TCF7L1: variants seen among roughly 807,000 people sequenced by gnomAD.
TCF7L1 encodes transcription factor 7 like 1.
TCF7L1 carries 18 observed loss-of-function variants against 63.7 expected under a neutral mutation model. That is an observed-to-expected ratio of 0.28 (90% CI 0.20 to 0.42). The LOEUF (loss-of-function observed/expected upper bound fraction) is 0.42. Ranked by LOEUF, TCF7L1 falls within the 10% of genes least tolerant of loss-of-function variation. The pLI is 1.00. For missense variants in TCF7L1, 654 were observed against 779.3 expected (o/e 0.84, Z 1.91); for synonymous variants, 355 against 340.9 (o/e 1.04, Z -0.46).
At chr2:85,244,161 G>A (rs992492335) in intron 3 of TCF7L1, among the ~76,000 whole-genome samples, 2 of 152,194 alleles carry the variant, frequency 1.3e-5, no homozygotes, top group African/African-American at 4.8e-5. Context: ...AGTGGCTGGA[G>A]CAGAGTGGGC....
chr2:85,198,603 T>C (rs1373230402), intron 3 of TCF7L1, among the ~76,000 whole-genome samples: 1 of 152,344 alleles, frequency 6.6e-6, no homozygotes, highest in African/African-American at 2.4e-5. Flanking sequence ...GGGAGCCTAA[T>C]GCAGACCCAA....
intron 3 of TCF7L1, among the ~76,000 whole-genome samples, chr2:85,240,008 T>G (rs886099358): frequency 6.7e-6 from 1 of 149,086 alleles, no homozygotes; most frequent in Admixed American, 6.7e-5. Flanking sequence ...TTAATTTTAA[T>G]AGTATATCTT....
chr2:85,215,997 A>G (rs1679694460), intron 3 of TCF7L1, among the ~76,000 whole-genome samples: 2 of 151,946 alleles, frequency 1.3e-5, no homozygotes, highest in South Asian at 4.2e-4. Context: ...CTCTGAAGAG[A>G]ATGAAATGTT....
chr2:85,184,617 C>T (rs980036695), intron 3 of TCF7L1, among the ~76,000 whole-genome samples: 3 of 152,102 alleles, frequency 2.0e-5, no homozygotes, highest in African/African-American at 7.2e-5. Context: ...CTGGAGAGCT[C>T]CGCAGAAGAT....
chr2:85,231,219 G>C (rs1480600708), intron 3 of TCF7L1, among the ~76,000 whole-genome samples: 1 of 152,186 alleles, frequency 6.6e-6, no homozygotes, highest in East Asian at 1.9e-4. Context: ...ACCTGACTCA[G>C]CTGCCCAAGC....
At chr2:85,276,793 G>A (rs949254435) in intron 3 of TCF7L1, among the ~76,000 whole-genome samples, 2 of 152,162 alleles carry the variant, frequency 1.3e-5, no homozygotes, top group Non-Finnish European at 1.5e-5. Flanking sequence ...CATGACCCTT[G>A]AGGAGCTTAC....
intron 3 of TCF7L1, among the ~76,000 whole-genome samples, chr2:85,242,882 G>A (rs780920159): frequency 2.0e-5 from 3 of 152,134 alleles, no homozygotes; most frequent in Non-Finnish European, 4.4e-5. Flanking sequence ...ACACTGTACT[G>A]TTTTAAAAAC....
chr2:85,157,789 G>A (rs1678183169), intron 3 of TCF7L1, among the ~76,000 whole-genome samples: 2 of 152,234 alleles, frequency 1.3e-5, no homozygotes, highest in South Asian at 4.1e-4. Flanking sequence ...CAATCTACCT[G>A]CAAGGACCAG....
chr2:85,305,018 G>C (rs1682074764), intron 7 of TCF7L1, among the ~76,000 whole-genome samples: 1 of 152,116 alleles, frequency 6.6e-6, no homozygotes, highest in African/African-American at 2.4e-5. Context: ...CCTTTTGTGT[G>C]TTTCATCCCA....
At chr2:85,251,748 C>G (rs185310570) in intron 3 of TCF7L1, among the ~76,000 whole-genome samples, 1 of 152,322 alleles carries the variant, frequency 6.6e-6, no homozygotes, top group Admixed American at 6.5e-5. Context: ...AACTAGCTGA[C>G]AGTTTCCCAT....
At chr2:85,242,239 T>C in intron 3 of TCF7L1, among the ~76,000 whole-genome samples, 1 of 143,524 alleles carries the variant, frequency 7.0e-6, no homozygotes, top group East Asian at 2.0e-4. Flanking sequence ...GGTTGCTGGC[T>C]TCCCTGGGTC....
rs139304161 is a variant in TCF7L1, at chr2:85,176,476, C to T, written c.441+42026C>T. 6.7e-3 allele frequency among the ~76,000 whole-genome samples: 1,020 copies of T among 152,324 alleles called. 12 individuals carry two copies. The highest frequency in any genetic ancestry group is 0.023 in the African/African-American group (959 of 41,572). On this transcript the variant is annotated intron_variant, in intron 3 of 11. Transcript: ENST00000282111. Reference sequence around the variant, plus strand: ...TTATATTTAGCTGTTGTTTTCTCCTCCATTCCACTGTCTGGAGTCCCCATG... The same window carrying T: ...TTATATTTAGCTGTTGTTTTCTCCTTCATTCCACTGTCTGGAGTCCCCATG...
At chr2:85,260,547 G>T (rs1487271377) in intron 3 of TCF7L1, among the ~76,000 whole-genome samples, 1 of 151,786 alleles carries the variant, frequency 6.6e-6, no homozygotes, top group African/African-American at 2.4e-5. Flanking sequence ...GGGGACTGAG[G>T]TAGGAGGATT....
Position 85,145,844 on chromosome 2 carries a change from TTTTTATTTTATTTTA to T in TCF7L1, c.441+11409_441+11423del, listed in dbSNP as rs571799971. Among the ~76,000 whole-genome samples, 9 of 152,284 alleles carry T rather than the reference TTTTTATTTTATTTTA, an allele frequency of 5.9e-5. No individual in the cohort carries two copies. The East Asian group carries it at 1.4e-3, about 23-fold the overall frequency. On this transcript the variant is annotated intron_variant, in intron 3 of 11. Transcript: ENST00000282111. Reference sequence around the variant, plus strand: ...AGATGATGCACATCTTTTTGCTATGTTTTTATTTTATTTTATTTTATTTTATTTTTTGTTTATTTA... The same window carrying T: ...AGATGATGCACATCTTTTTGCTATGTTTTTATTTTATTTTTTGTTTATTTA...
chr2:85,207,710 T>C (rs1232669934), intron 3 of TCF7L1, among the ~76,000 whole-genome samples: 1 of 151,774 alleles, frequency 6.6e-6, no homozygotes, highest in Non-Finnish European at 1.5e-5. Context: ...GATTTTATGG[T>C]GGTGCAAAAG....
intron 3 of TCF7L1, among the ~76,000 whole-genome samples, chr2:85,154,376 A>G (rs1678092753): frequency 6.6e-6 from 1 of 152,228 alleles, no homozygotes; most frequent in Non-Finnish European, 1.5e-5. Context: ...CCAGAGTAAC[A>G]TCCTTGGGAT....
chr2:85,241,437 GTTTTTTTTTTTTTTT>G (rs772334481), intron 3 of TCF7L1, among the ~76,000 whole-genome samples: 2 of 83,028 alleles, frequency 2.4e-5, no homozygotes, highest in Non-Finnish European at 5.1e-5. Context: ...CTTTGTTTTT[GTTTTTTTTTTTTTTT>G]TTTTTTTTTT....
At chr2:85,165,637 C>T (rs1045843040) in intron 3 of TCF7L1, among the ~76,000 whole-genome samples, 2 of 152,080 alleles carry the variant, frequency 1.3e-5, no homozygotes, top group East Asian at 1.9e-4. Context: ...CTGTTTGGGG[C>T]GGCCTGGAAA....
intron 3 of TCF7L1, among the ~76,000 whole-genome samples, chr2:85,235,185 C>T (rs1343347532): frequency 6.6e-6 from 1 of 152,126 alleles, no homozygotes; most frequent in Non-Finnish European, 1.5e-5. Flanking sequence ...CCACTGGTAC[C>T]TCTTGGGTGG....
Sources: allele counts gnomAD v4.1 joint callset (sites outside exome capture counted in the v4.1 genomes callset), GRCh38; gene constraint gnomAD v4.1.1; transcripts MANE v1.5; gene names NCBI Gene and HGNC (gene_info 2026-07-23, HGNC 2026-07-21).